ZNF521: variants seen among roughly 807,000 people sequenced by gnomAD.
ZNF521 encodes zinc finger protein 521.
ZNF521 carries 14 observed loss-of-function variants against 105.5 expected under a neutral mutation model. That is an observed-to-expected ratio of 0.13 (90% CI 0.09 to 0.21). The LOEUF (loss-of-function observed/expected upper bound fraction) is 0.21, where lower values mean the gene tolerates loss of function less well. Among genes scored for constraint, ZNF521 ranks in the 10% least tolerant of loss-of-function variants. ZNF521 has a pLI of 1.00. For synonymous variants in ZNF521, 635 were observed against 606.0 expected, an observed-to-expected ratio of 1.05 and a Z score of -0.70; for missense variants, 1,233 against 1,629.7, an observed-to-expected ratio of 0.76 and a Z score of 4.19.
intron 3 of ZNF521, chr18:25,315,687 C>A (rs1912567280): frequency 1.3e-5 from 2 of 152,166 alleles, no homozygotes; most frequent in Non-Finnish European, 2.9e-5. Flanking sequence ...ATTTGACCTT[C>A]ATCTCCAAAG....
intron 2 of ZNF521, among the ~76,000 whole-genome samples, chr18:25,332,283 G>A (rs931166806): frequency 1.5e-5 from 2 of 133,800 alleles, no homozygotes; most frequent in Non-Finnish European, 3.2e-5. Flanking sequence ...CAGGAAAAGA[G>A]AAATTTTAAA....
intron 4 of ZNF521, among the ~76,000 whole-genome samples, chr18:25,200,696 T>C (rs1283942127): frequency 6.6e-6 from 1 of 152,154 alleles, no homozygotes; most frequent in Non-Finnish European, 1.5e-5. Flanking sequence ...TCATCTTCTC[T>C]GTACTCTTAC....
intron 5 of ZNF521, among the ~76,000 whole-genome samples, chr18:25,095,733 T>C (rs929115046): frequency 6.6e-6 from 1 of 152,222 alleles, no homozygotes; most frequent in African/African-American, 2.4e-5. Flanking sequence ...AGAAAAACTC[T>C]AGTTTTGCCC....
At chr18:25,124,950 GTTA>G (rs2034511755) in intron 5 of ZNF521, among the ~76,000 whole-genome samples, 2 of 152,254 alleles carry the variant, frequency 1.3e-5, no homozygotes, top group East Asian at 1.9e-4. Flanking sequence ...TTATGGAAGT[GTTA>G]TTATGGCATT....
intron 5 of ZNF521, chr18:25,136,871 G>A (rs1475913577): frequency 6.6e-6 from 1 of 152,096 alleles, no homozygotes; most frequent in Non-Finnish European, 1.5e-5. Flanking sequence ...AAACCAAATG[G>A]GACACCACAT....
chr18:25,291,843 C>T (rs1409861306), intron 3 of ZNF521, among the ~76,000 whole-genome samples: 1 of 152,010 alleles, frequency 6.6e-6, no homozygotes, highest in Non-Finnish European at 1.5e-5. Flanking sequence ...CAATAATCAA[C>T]ACCCTCTCTA....
chr18:25,220,626 G>A (rs1478210182), intron 4 of ZNF521, among the ~76,000 whole-genome samples: 2 of 152,134 alleles, frequency 1.3e-5, no homozygotes, highest in Non-Finnish European at 1.5e-5. Flanking sequence ...TTTTGATTCT[G>A]TGGCACCCTA....
intron 2 of ZNF521, among the ~76,000 whole-genome samples, chr18:25,338,554 A>G (rs1379752430): frequency 6.6e-6 from 1 of 152,062 alleles, no homozygotes; most frequent in Non-Finnish European, 1.5e-5. Context: ...CTGGGGCCAC[A>G]GGCATGTGCC....
intron 5 of ZNF521, among the ~76,000 whole-genome samples, chr18:25,164,150 C>T (rs995689502): frequency 2.0e-5 from 3 of 152,140 alleles, no homozygotes; most frequent in Admixed American, 2.0e-4. Context: ...ATCCCCCCCA[C>T]TTCCCTGCCA....
chr18:25,220,527 G>A (rs1329281123), intron 4 of ZNF521, among the ~76,000 whole-genome samples: 1 of 152,134 alleles, frequency 6.6e-6, no homozygotes, highest in Middle Eastern at 3.2e-3. Flanking sequence ...CTGGCTGTGT[G>A]ATCTTAGACA....
intron 7 of ZNF521, among the ~76,000 whole-genome samples, chr18:25,081,070 T>TGGCAGGGCC (rs1321125551): frequency 8.2e-6 from 1 of 122,666 alleles, no homozygotes. Context: ...ACATGGAAGA[T>TGGCAGGGCC]GGCAGGGCCA....
chr18:25,350,638 C>G, intron 2 of ZNF521, among the ~76,000 whole-genome samples: 1 of 146,342 alleles, frequency 6.8e-6, no homozygotes, highest in Non-Finnish European at 1.5e-5. Context: ...CTCTCTCTCT[C>G]TTTTTTTTTT....
intron 5 of ZNF521, among the ~76,000 whole-genome samples, chr18:25,134,044 G>T (rs936211262): frequency 7.2e-5 from 11 of 152,064 alleles, no homozygotes; most frequent in Non-Finnish European, 1.3e-4. Flanking sequence ...CACTCTTTTG[G>T]TGACAGCTGA....
intron 5 of ZNF521, among the ~76,000 whole-genome samples, chr18:25,181,270 G>C (rs1371237078): frequency 6.6e-6 from 1 of 152,114 alleles, no homozygotes; most frequent in Non-Finnish European, 1.5e-5. Flanking sequence ...GTCCTCCCAG[G>C]AGCAAGGCCA....
chr18:25,193,452 A>G (rs2035852219), intron 5 of ZNF521, among the ~76,000 whole-genome samples: 1 of 152,086 alleles, frequency 6.6e-6, no homozygotes. Flanking sequence ...ATTTCCCATA[A>G]ACTGCAGACT....
chr18:25,255,027 T>C (rs1908382982), intron 3 of ZNF521, among the ~76,000 whole-genome samples: 1 of 152,170 alleles, frequency 6.6e-6, no homozygotes, highest in Admixed American at 6.6e-5. Flanking sequence ...AATTTTAATG[T>C]ATTCCAAAGC....
At chr18:25,204,949 A>C (rs1371309016) in intron 4 of ZNF521, among the ~76,000 whole-genome samples, 2 of 152,108 alleles carry the variant, frequency 1.3e-5, no homozygotes, top group Non-Finnish European at 2.9e-5. Flanking sequence ...TAGGCAGTCA[A>C]TACATTTTGT....
chr18:25,091,844 A>T, intron 6 of ZNF521, 106 bp downstream of exon 6: 2 of 1,378,884 alleles, frequency 1.5e-6, no homozygotes, highest in Non-Finnish European at 1.9e-6. Context: ...AATTGAACTG[A>T]AGTCATGTCT....
intron 4 of ZNF521, among the ~76,000 whole-genome samples, chr18:25,196,017 T>C (rs2035896562): frequency 1.3e-5 from 2 of 151,766 alleles, no homozygotes; most frequent in African/African-American, 4.8e-5. Flanking sequence ...GTAGGCTCTC[T>C]GATTTCTGAA....
Sources: gnomAD v4.1 joint callset for allele counts (sites outside exome capture counted in the v4.1 genomes callset) on GRCh38, gnomAD v4.1.1 for gene constraint, MANE v1.5 for transcripts, NCBI Gene and HGNC (gene_info 2026-07-23, HGNC 2026-07-21) for gene names.